Variants in GRM8 observed in about 807,000 individuals in gnomAD.
GRM8 encodes the protein metabotropic glutamate receptor 8.
GRM8 carries 47 observed loss-of-function variants against 87.2 expected under a neutral mutation model. The observed-to-expected ratio is 0.54, with a 90% CI of 0.43 to 0.69. The LOEUF (loss-of-function observed/expected upper bound fraction) is 0.69, where lower values mean the gene tolerates loss of function less well. GRM8 is among the 30% of genes least tolerant of loss of function. The pLI, the probability that GRM8 is intolerant of heterozygous loss-of-function variation, is 0.00. For synonymous variants in GRM8, 396 were observed against 404.5 expected, an observed-to-expected ratio of 0.98 and a Z score of 0.25; for missense variants, 1,019 against 1,139.2, an observed-to-expected ratio of 0.89 and a Z score of 1.52.
At chr7:126,730,507 A>T (rs1345658053) in intron 7 of GRM8, among the ~76,000 whole-genome samples, 2 of 152,088 alleles carry the variant, frequency 1.3e-5, no homozygotes, top group African/African-American at 2.4e-5. Flanking sequence ...CTGTGGGGGG[A>T]CCTGGATGTC....
intron 1 of GRM8, among the ~76,000 whole-genome samples, chr7:127,245,049 GC>G (rs1236120097): frequency 2.0e-5 from 3 of 152,170 alleles, no homozygotes; most frequent in Non-Finnish European, 2.9e-5. Context: ...GATTCTCCTA[GC>G]AGCTGCTTTT....
At chr7:127,066,706 A>T (rs1009081893) in intron 3 of GRM8, among the ~76,000 whole-genome samples, 4 of 152,184 alleles carry the variant, frequency 2.6e-5, no homozygotes, top group African/African-American at 9.7e-5. Flanking sequence ...AACAGTAGTC[A>T]TCCTACAGTG....
At chr7:126,980,316 G>C (rs896102131) in intron 3 of GRM8, among the ~76,000 whole-genome samples, 49 of 152,068 alleles carry the variant, frequency 3.2e-4, no homozygotes, top group African/African-American at 1.1e-3. Context: ...AACACCTAAT[G>C]GAAATGATTC....
intron 2 of GRM8, among the ~76,000 whole-genome samples, chr7:127,223,937 T>G (rs1456189684): frequency 7.6e-6 from 1 of 131,448 alleles, no homozygotes; most frequent in African/African-American, 2.8e-5. Context: ...AAAAACTCAA[T>G]GGATGGGTTC....
Position 126,811,125 on chromosome 7 carries a change from G to A in GRM8, c.1157-41060C>T, listed in dbSNP as rs368060384. ...TTCCCAGCATCATTTATGGAAAAGC[G>A]TGTTCATTCCCAATGTATGTTCTTG... On this transcript the variant is annotated intron_variant, in intron 6 of 10. Coordinates refer to ENST00000339582, the MANE Select transcript of GRM8 (RefSeq NM_000845.3). 7.3e-4 allele frequency among the ~76,000 whole-genome samples: 111 copies of A among 152,162 alleles called. No homozygotes were observed. In the East Asian group the frequency reaches 0.015, roughly 20 times the overall value.
At chr7:127,126,555 A>T (rs1296812021) in intron 2 of GRM8, among the ~76,000 whole-genome samples, 2 of 151,992 alleles carry the variant, frequency 1.3e-5, no homozygotes, top group Non-Finnish European at 2.9e-5. Context: ...ATACACTAAA[A>T]GCCAAGACTT....
chr7:126,555,911 T>A (rs1793085702), intron 8 of GRM8, among the ~76,000 whole-genome samples: 1 of 152,204 alleles, frequency 6.6e-6, no homozygotes, highest in Non-Finnish European at 1.5e-5. Flanking sequence ...AAAGGACATA[T>A]CAAGGAAAAC....
At chr7:127,157,221 G>T (rs1195917800) in intron 2 of GRM8, among the ~76,000 whole-genome samples, 1 of 144,846 alleles carries the variant, frequency 6.9e-6, no homozygotes, top group Admixed American at 6.8e-5. Flanking sequence ...AGAGGAGAAA[G>T]AAAAAGAAAG....
At chr7:126,439,726 C>T (rs759386769) in intron 10 of GRM8, among the ~76,000 whole-genome samples, 4 of 151,812 alleles carry the variant, frequency 2.6e-5, no homozygotes, top group Non-Finnish European at 4.4e-5. Context: ...CAAGAGATGA[C>T]AGCTCCATGT....
In GRM8 at chr7:127,106,684, G is replaced by T. The variant is rs1197416406; in HGVS notation, c.539C>A (p.Ala180Asp). 1.9e-6 allele frequency: 3 copies of T among 1,612,996 alleles called. No individual in the cohort carries two copies. The highest frequency in any genetic ancestry group is 3.3e-5 in the Admixed American group (2 of 59,976). Residue 180 changes from alanine (A) to aspartate (D), a missense_variant, in exon 3 of 11, where the codon GCC (alanine) becomes GAC (aspartate). Transcript: ENST00000339582. ...CCTGGTGTTATCACTTAGCTCTGGG[G>T]CTGTGGATGCATAGCTGATTTGAGG... ...KIPQISYAST[A>D]PELSDNTRYD...
intron 2 of GRM8, among the ~76,000 whole-genome samples, chr7:127,198,479 G>A (rs1309326923): frequency 2.6e-5 from 4 of 152,140 alleles, no homozygotes; most frequent in African/African-American, 9.7e-5. Flanking sequence ...TGCTGGGAAG[G>A]CCAAATGGGC....
chr7:126,767,865 C>T (rs1818363378), intron 7 of GRM8, among the ~76,000 whole-genome samples: 1 of 152,020 alleles, frequency 6.6e-6, no homozygotes, highest in South Asian at 2.1e-4. Flanking sequence ...AATCAATCTC[C>T]AAAGAGCTCA....
intron 2 of GRM8, among the ~76,000 whole-genome samples, chr7:127,129,697 A>T (rs879526905): frequency 6.6e-6 from 1 of 152,156 alleles, no homozygotes; most frequent in African/African-American, 2.4e-5. Context: ...TGGCAGCCCA[A>T]TCGTGAATGT....
intron 7 of GRM8, among the ~76,000 whole-genome samples, chr7:126,694,992 C>T (rs1809220962): frequency 1.3e-5 from 2 of 152,172 alleles, no homozygotes; most frequent in Non-Finnish European, 1.5e-5. Context: ...TACTCTTTCC[C>T]TGCATCCCCA....
At chr7:126,625,146 A>G (rs1474256127) in intron 7 of GRM8, among the ~76,000 whole-genome samples, 3 of 152,214 alleles carry the variant, frequency 2.0e-5, no homozygotes, top group Non-Finnish European at 2.9e-5. Context: ...GTCACATTAT[A>G]AAGCTTCAAG....
intron 3 of GRM8, among the ~76,000 whole-genome samples, chr7:127,075,523 G>T (rs948023434): frequency 6.6e-6 from 1 of 152,142 alleles, no homozygotes; most frequent in African/African-American, 2.4e-5. Context: ...AGGGGGTCGG[G>T]GGGAGGTACA....
chr7:126,758,403 A>T (rs982780081), intron 7 of GRM8, among the ~76,000 whole-genome samples: 1 of 152,216 alleles, frequency 6.6e-6, no homozygotes, highest in African/African-American at 2.4e-5. Flanking sequence ...TTACAACATT[A>T]GTAGAAGAGC....
intron 6 of GRM8, among the ~76,000 whole-genome samples, chr7:126,806,300 G>T (rs573541576): frequency 1.3e-4 from 20 of 152,284 alleles, no homozygotes; most frequent in Admixed American, 5.9e-4. Context: ...GTGGGTTCGT[G>T]GTCTCGCGGC....
intron 9 of GRM8, among the ~76,000 whole-genome samples, chr7:126,510,000 G>A (rs1371315503): frequency 6.6e-6 from 1 of 151,938 alleles, no homozygotes; most frequent in East Asian, 1.9e-4. Flanking sequence ...ATGCACACAT[G>A]ATGTCTATTA....
Sources: gnomAD v4.1 joint callset for allele counts (sites outside exome capture counted in the v4.1 genomes callset) on GRCh38, gnomAD v4.1.1 for gene constraint, MANE v1.5 for transcripts, NCBI Gene and HGNC (gene_info 2026-07-23, HGNC 2026-07-21) for gene names.